NEBL: variants seen among roughly 807,000 people sequenced by gnomAD.
NEBL encodes LIM and SH3 protein 2.
A neutral mutation model predicts 140.2 loss-of-function variants in NEBL; 122 were observed. The observed-to-expected ratio is 0.87, with a 90% confidence interval of 0.75 to 1.01. NEBL has a LOEUF of 1.01. NEBL is among the 50% of genes least tolerant of loss of function. NEBL has a pLI of 0.00. For synonymous variants in NEBL, 436 were observed against 398.9 expected (o/e 1.09, Z -1.11); for missense variants, 1,365 against 1,231.3 (o/e 1.11, Z -1.62).
intron 2 of NEBL, chr10:21,030,576 C>T: frequency 1.5e-6 from 1 of 670,026 alleles, no homozygotes; most frequent in Middle Eastern, 2.9e-4. Context: ...AGCACGAATA[C>T]CCTACAAGTG....
chr10:20,941,613 G>A (rs1180336941), intron 4 of NEBL, among the ~76,000 whole-genome samples: 1 of 150,170 alleles, frequency 6.7e-6, no homozygotes, highest in Non-Finnish European at 1.5e-5. Context: ...GAAATAAAGG[G>A]TATTCAAGTA....
chr10:20,799,355 C>T (rs1836875218), intron 26 of NEBL, among the ~76,000 whole-genome samples: 1 of 152,088 alleles, frequency 6.6e-6, no homozygotes, highest in Admixed American at 6.6e-5. Flanking sequence ...CAGGTCTCAC[C>T]ATGTTGGCCA....
chr10:21,170,017 T>C (rs756967685), intron 2 of NEBL, among the ~76,000 whole-genome samples: 1 of 152,190 alleles, frequency 6.6e-6, no homozygotes, highest in Non-Finnish European at 1.5e-5. Context: ...CAAGTCAAAG[T>C]GCAAAATAGC....
At chr10:21,265,708 C>T (rs185622121) in intron 1 of NEBL, among the ~76,000 whole-genome samples, 26 of 152,304 alleles carry the variant, frequency 1.7e-4, no homozygotes, top group Admixed American at 1.2e-3. Flanking sequence ...GGCAACAGTA[C>T]GCTTTTCTGA....
At chr10:21,145,896 G>A (rs1589281820) in intron 2 of NEBL, among the ~76,000 whole-genome samples, 2 of 152,166 alleles carry the variant, frequency 1.3e-5, no homozygotes, top group Admixed American at 1.3e-4. Flanking sequence ...TCCATTAGGT[G>A]AGGCTCGGCT....
chr10:21,169,912 C>T (rs578163814), intron 2 of NEBL, among the ~76,000 whole-genome samples: 1 of 152,244 alleles, frequency 6.6e-6, no homozygotes, highest in Non-Finnish European at 1.5e-5. Context: ...AAGGTTAAGA[C>T]CTATGAAACA....
chr10:20,824,345 C>T (rs187775262), intron 18 of NEBL, among the ~76,000 whole-genome samples: 6 of 152,202 alleles, frequency 3.9e-5, no homozygotes, highest in African/African-American at 1.4e-4. Flanking sequence ...AGAAACAGTA[C>T]CTAAATATCT....
chr10:20,891,217 T>A (rs555485506), intron 2 of NEBL, among the ~76,000 whole-genome samples: 200 of 152,340 alleles, frequency 1.3e-3, no homozygotes, highest in African/African-American at 4.7e-3. Flanking sequence ...GGATATCAGA[T>A]GCCTACCACA....
chr10:20,819,065 T>C (rs1839015144), intron 20 of NEBL: 6 of 1,035,032 alleles, frequency 5.8e-6, no homozygotes, highest in Non-Finnish European at 7.1e-6. Flanking sequence ...TCAAATTCAT[T>C]TTCTTTTAAA....
chr10:21,042,488 T>C (rs185853654), intron 2 of NEBL, among the ~76,000 whole-genome samples: 4 of 152,368 alleles, frequency 2.6e-5, no homozygotes, highest in African/African-American at 9.6e-5. Context: ...AGGTAATAAA[T>C]GTTCAAATCT....
At chr10:20,903,904 G>A (rs1466749414) in intron 4 of NEBL, among the ~76,000 whole-genome samples, 1 of 149,182 alleles carries the variant, frequency 6.7e-6, no homozygotes, top group Non-Finnish European at 1.5e-5. Context: ...CTACGGATTG[G>A]GAACAATTAC....
At chr10:21,186,257 AAC>A (rs765894739) in intron 3 of NEBL, among the ~76,000 whole-genome samples, 5,648 of 124,420 alleles carry the variant, frequency 0.045, 95 homozygotes, top group East Asian at 0.055. Context: ...TATATATACA[AAC>A]ACACACACAC....
intron 2 of NEBL, among the ~76,000 whole-genome samples, chr10:21,067,928 G>T (rs746346008): frequency 1.3e-5 from 2 of 152,092 alleles, no homozygotes; most frequent in Non-Finnish European, 2.9e-5. Flanking sequence ...GCAGTGAGCC[G>T]TGACTGCACC....
chr10:20,970,163 A>G (rs1158907823), intron 3 of NEBL, among the ~76,000 whole-genome samples: 3 of 152,154 alleles, frequency 2.0e-5, no homozygotes, highest in African/African-American at 2.4e-5. Context: ...AGTGTTTTAC[A>G]TTATTGTGTG....
chr10:21,090,873 C>A (rs898082650), intron 2 of NEBL, among the ~76,000 whole-genome samples: 1 of 152,150 alleles, frequency 6.6e-6, no homozygotes, highest in Non-Finnish European at 1.5e-5. Flanking sequence ...CATCTCCAAC[C>A]CACCAGCAGA....
chr10:21,239,843 C>T (rs1050532010), intron 3 of NEBL, among the ~76,000 whole-genome samples: 1 of 152,002 alleles, frequency 6.6e-6, no homozygotes, highest in African/African-American at 2.4e-5. Flanking sequence ...GGTGAAACCC[C>T]ATCTCTACTA....
At chr10:21,241,350 C>T (rs959163158) in intron 3 of NEBL, among the ~76,000 whole-genome samples, 7 of 151,768 alleles carry the variant, frequency 4.6e-5, no homozygotes, top group African/African-American at 1.2e-4. Context: ...GGGCCGCCTG[C>T]GGGATGAGCT....
intron 4 of NEBL, among the ~76,000 whole-genome samples, chr10:20,943,798 T>C (rs1006979186): frequency 2.6e-5 from 4 of 152,218 alleles, no homozygotes; most frequent in African/African-American, 4.8e-5. Flanking sequence ...CTTCTCTGTA[T>C]TCTGACTTTA....
At chr10:21,217,203 G>T (rs1289641515) in intron 3 of NEBL, among the ~76,000 whole-genome samples, 3 of 152,132 alleles carry the variant, frequency 2.0e-5, no homozygotes, top group Non-Finnish European at 4.4e-5. Context: ...AGATGAGAGG[G>T]TAGTTATCAG....
Sources: allele counts gnomAD v4.1 joint callset (sites outside exome capture counted in the v4.1 genomes callset), GRCh38; gene constraint gnomAD v4.1.1; transcripts MANE v1.5; gene names NCBI Gene and HGNC (gene_info 2026-07-23, HGNC 2026-07-21).